Variants in CPM observed in about 807,000 individuals in gnomAD.
The protein encoded by CPM is carboxypeptidase M, also known as renal carboxypeptidase.
In CPM, 35 loss-of-function variants were observed where a neutral mutation model predicts 46.4. The ratio of observed to expected loss-of-function variants is 0.75; its 90% CI spans 0.58 to 1.00. The LOEUF is 1.00. CPM is among the 50% of genes least tolerant of loss of function. CPM has a pLI of 0.00. For missense variants in CPM, 422 were observed against 530.4 expected (o/e 0.80, Z 2.01); for synonymous variants, 195 against 195.3 (o/e 1.00, Z 0.01).
At chr12:68,927,638 C>T (rs1888325742) in intron 2 of CPM, among the ~76,000 whole-genome samples, 1 of 152,060 alleles carries the variant, frequency 6.6e-6, no homozygotes, top group South Asian at 2.1e-4. Flanking sequence ...AAGTCCTTGC[C>T]CGTGCCTATG....
rs78515597 is a variant in CPM, at chr12:68,956,850, G to A, written c.-4+6319C>T. ...GATTTCTGAGAATCTTAAACATTGC[G>A]ATAAATATGGCTTAGCTTCAACACA... On this transcript the variant is annotated intron_variant, in intron 1 of 8. Coordinates refer to the CPM transcript ENST00000546373. 2.2e-3 allele frequency among the ~76,000 whole-genome samples: 330 copies of A among 152,270 alleles called. 1 individual carries two copies. The highest frequency in any genetic ancestry group is 7.5e-3 in the African/African-American group (311 of 41,560).
At chr12:68,936,012 T>C (rs572583690), upstream of CPM, among the ~76,000 whole-genome samples, 3 of 152,180 alleles carry the variant, frequency 2.0e-5, no homozygotes, top group Non-Finnish European at 2.9e-5. Flanking sequence ...ATTGCTGCCA[T>C]TGGGGTTCAC....
At chr12:68,893,972 G>T (rs147078580) in intron 2 of CPM, among the ~76,000 whole-genome samples, 1 of 152,248 alleles carries the variant, frequency 6.6e-6, no homozygotes, top group Non-Finnish European at 1.5e-5. Flanking sequence ...TTACTCAGTG[G>T]AGTATGCTAA....
chr12:68,926,559 ATTTT>A (rs1270040344), intron 2 of CPM, among the ~76,000 whole-genome samples: 1 of 151,616 alleles, frequency 6.6e-6, no homozygotes, highest in Non-Finnish European at 1.5e-5. Context: ...TTATTTATTT[ATTTT>A]ATTTTATTAT....
intron 1 of CPM, among the ~76,000 whole-genome samples, chr12:68,953,446 T>G (rs1888967718): frequency 6.6e-6 from 1 of 152,246 alleles, no homozygotes; most frequent in Non-Finnish European, 1.5e-5. Flanking sequence ...CAGTCCTATA[T>G]CCCTGTATTT....
At chr12:68,876,898 G>A (rs573899990) in intron 3 of CPM, among the ~76,000 whole-genome samples, 23 of 73,668 alleles carry the variant, frequency 3.1e-4, no homozygotes, top group African/African-American at 1.4e-3. Context: ...GCATGCGTGT[G>A]TGTGTGTGTG....
At chr12:68,918,754 C>G (rs1172191758) in intron 2 of CPM, among the ~76,000 whole-genome samples, 1 of 152,168 alleles carries the variant, frequency 6.6e-6, no homozygotes, top group African/African-American at 2.4e-5. Context: ...TCCAAATCAC[C>G]ATCATCAACA....
intron 6 of CPM, among the ~76,000 whole-genome samples, chr12:68,867,773 C>G (rs186343819): frequency 4.9e-4 from 74 of 152,308 alleles, no homozygotes; most frequent in Non-Finnish European, 9.1e-4. Context: ...CCCTGTGGAG[C>G]CCAGGCTGCC....
chr12:68,860,443 T>C (rs1476008579), intron 7 of CPM, among the ~76,000 whole-genome samples: 3 of 152,264 alleles, frequency 2.0e-5, no homozygotes, highest in East Asian at 3.9e-4. Flanking sequence ...AGTGGCATTA[T>C]TTTGTTTTAT....
At chr12:68,954,929 T>C (rs1317749612) in intron 1 of CPM, among the ~76,000 whole-genome samples, 1 of 152,108 alleles carries the variant, frequency 6.6e-6, no homozygotes, top group Non-Finnish European at 1.5e-5. Flanking sequence ...GTACGTCTGG[T>C]CCAGCCACAG....
intron 2 of CPM, among the ~76,000 whole-genome samples, chr12:68,897,736 CAAAAAAAA>C (rs62826660): frequency 3.7e-4 from 39 of 106,052 alleles, no homozygotes; most frequent in Admixed American, 4.1e-4. Flanking sequence ...GACTCCGTTT[CAAAAAAAA>C]AAAAAAAAAA....
intron 3 of CPM, among the ~76,000 whole-genome samples, chr12:68,876,675 T>A (rs1203592651): frequency 6.6e-6 from 1 of 152,156 alleles, no homozygotes; most frequent in Non-Finnish European, 1.5e-5. Context: ...TCCATCTCCT[T>A]CATCCGGTGG....
Position 68,872,086 on chromosome 12 carries a change from C to T in CPM, c.259-130G>A, listed in dbSNP as rs1329572266. 3.3e-6 allele frequency: 3 copies of T among 900,162 alleles called. No homozygotes were observed. In the African/African-American group the frequency reaches 5.0e-5, roughly 15 times the overall value. 55.8% of individuals were successfully genotyped at this position (900,162 alleles called of 1,614,324 possible). On this transcript the variant is annotated intron_variant, in intron 3 of 8. Coordinates refer to ENST00000551568, the MANE Select transcript of CPM (RefSeq NM_198320.5). ...TCAGACCCAAACTAGTTTGTAAGAT[C>T]ACTCTTTCTCAAGCATGCTTATGCT... is the stretch of plus-strand genomic sequence containing the variant.
intron 7 of CPM, among the ~76,000 whole-genome samples, chr12:68,860,661 A>G (rs1885168624): frequency 2.0e-5 from 3 of 152,034 alleles, no homozygotes; most frequent in Admixed American, 2.0e-4. Flanking sequence ...GATATGTGAT[A>G]AATATAGCGT....
intron 2 of CPM, among the ~76,000 whole-genome samples, chr12:68,924,749 C>T (rs1248763171): frequency 1.3e-5 from 2 of 152,130 alleles, no homozygotes; most frequent in Non-Finnish European, 2.9e-5. Flanking sequence ...ACTGGTTTTA[C>T]GAGCATATTT....
chr12:68,855,860 T>G lies in CPM; in HGVS notation c.*577A>C, dbSNP rs985111182. ...TTCAAGCGATTCTCCTGTCTCAGCC[T>G]CCTGAAAGGCTGCGATTACAGGTGC... On this transcript the variant is annotated 3_prime_UTR_variant, in exon 9 of 9. Coordinates refer to ENST00000551568, the MANE Select transcript of CPM (RefSeq NM_198320.5). The G allele has an allele frequency of 6.5e-6, 1 of 152,826 alleles. No homozygotes were observed. Among genetic ancestry groups the G allele is most frequent in the East Asian group, 1.9e-4 (1 of 5,174 alleles). The allele number at this position is 152,826 out of a possible 1,614,324, so 9.5% of individuals were successfully genotyped here.
chr12:68,952,552 G>A (rs1888952617), intron 1 of CPM, among the ~76,000 whole-genome samples: 1 of 152,202 alleles, frequency 6.6e-6, no homozygotes, highest in Non-Finnish European at 1.5e-5. Context: ...TAAGCAGAGG[G>A]CTCTGAGTGA....
chr12:68,866,147 G>GAA (rs879593780), intron 7 of CPM, among the ~76,000 whole-genome samples: 15 of 152,110 alleles, frequency 9.9e-5, no homozygotes, highest in Non-Finnish European at 2.1e-4. Flanking sequence ...CCCAATTCTG[G>GAA]AAAAAATGCA....
rs1035102754 is a variant in CPM, at chr12:68,855,090, C to T, written c.*1347G>A. The T allele has an allele frequency of 6.6e-6, 1 of 151,876 alleles. No homozygotes were observed. Among genetic ancestry groups the T allele is most frequent in the African/African-American group, 2.4e-5 (1 of 41,300 alleles). 9.4% of individuals were successfully genotyped at this position (151,876 alleles called of 1,614,324 possible). ...GGCCAGGCTGGTCTTGAGCTCCTGACCTCAAGTGATCCGCCCGCCTTGGCC... is the reference window on the plus strand; with the variant it reads ...GGCCAGGCTGGTCTTGAGCTCCTGATCTCAAGTGATCCGCCCGCCTTGGCC... On this transcript the variant is annotated 3_prime_UTR_variant, in exon 9 of 9. Coordinates refer to ENST00000551568, the MANE Select transcript of CPM (RefSeq NM_198320.5).
Sources: gnomAD v4.1 joint callset for allele counts (sites outside exome capture counted in the v4.1 genomes callset) on GRCh38, gnomAD v4.1.1 for gene constraint, MANE v1.5 for transcripts, NCBI Gene and HGNC (gene_info 2026-07-23, HGNC 2026-07-21) for gene names.